ATP2B2: variants seen among roughly 807,000 people sequenced by gnomAD.
ATP2B2 encodes the protein ATPase plasma membrane Ca2+ transporting 2.
A neutral mutation model predicts 120.0 loss-of-function variants in ATP2B2; 15 were observed. The ratio of observed to expected loss-of-function variants is 0.12; its 90% CI spans 0.08 to 0.19. The LOEUF (loss-of-function observed/expected upper bound fraction) is 0.19, where lower values mean the gene tolerates loss of function less well. ATP2B2 is among the 10% of genes least tolerant of loss of function. The pLI is 1.00. For synonymous variants in ATP2B2, 694 were observed against 700.3 expected (o/e 0.99, Z 0.14); for missense variants, 1,045 against 1,719.8 (o/e 0.61, Z 6.94).
chr3:10,446,201 G>A (rs189087830), intron 2 of ATP2B2, among the ~76,000 whole-genome samples: 2 of 152,294 alleles, frequency 1.3e-5, no homozygotes, highest in East Asian at 3.9e-4. Flanking sequence ...TTTCTCATGT[G>A]TGGACACTGG....
intron 1 of ATP2B2, among the ~76,000 whole-genome samples, chr3:10,707,530 G>A (rs2071914743): frequency 6.6e-6 from 1 of 152,216 alleles, no homozygotes; most frequent in African/African-American, 2.4e-5. Flanking sequence ...AGGTGGGGAA[G>A]TCGGAGCCAT....
intron 22 of ATP2B2, chr3:10,330,435 G>A (rs531345730): frequency 5.2e-5 from 8 of 153,020 alleles, no homozygotes; most frequent in African/African-American, 1.7e-4. Flanking sequence ...ACTCCTGGGA[G>A]GGGCAGCAGT....
intron 2 of ATP2B2, among the ~76,000 whole-genome samples, chr3:10,585,663 C>T (rs1435355247): frequency 1.3e-5 from 2 of 151,852 alleles, no homozygotes; most frequent in African/African-American, 4.8e-5. Context: ...CTGCTTGGGG[C>T]CTCTGCACTC....
intron 2 of ATP2B2, among the ~76,000 whole-genome samples, chr3:10,423,457 G>A (rs757048445): frequency 6.6e-6 from 1 of 152,190 alleles, no homozygotes; most frequent in Non-Finnish European, 1.5e-5. Context: ...ACAACGGCTC[G>A]GCTTGCTTGA....
chr3:10,438,217 C>T (rs765374209), intron 2 of ATP2B2, among the ~76,000 whole-genome samples: 11 of 152,210 alleles, frequency 7.2e-5, no homozygotes, highest in Non-Finnish European at 1.5e-4. Flanking sequence ...CCTGTTGTCT[C>T]ATGGGTCCAT....
chr3:10,683,744 A>ATGTGTGTG lies in ATP2B2; in HGVS notation c.-460+24170_-460+24171insCACACACA, dbSNP rs1559520007. Among the ~76,000 whole-genome samples, 7 of 41,420 alleles carry ATGTGTGTG rather than the reference A, an allele frequency of 1.7e-4. 1 individual carries two copies. The highest frequency in any genetic ancestry group is 5.8e-4 in the African/African-American group (6 of 10,426). The allele number at this position is 41,420 out of a possible 152,430, so 27.2% of individuals were successfully genotyped here. Reference sequence around the variant, plus strand: ...TGTGTGTGTGTATATATATGTGTATATATATGTGTGTGTGTGTATATATAT... The same window carrying ATGTGTGTG: ...TGTGTGTGTGTATATATATGTGTATATGTGTGTGTATATGTGTGTGTGTGTATATATAT... On this transcript the variant is annotated intron_variant, in intron 1 of 21. Transcript: ENST00000646379.
chr3:10,395,659 C>T (rs2062012611), intron 5 of ATP2B2, among the ~76,000 whole-genome samples: 1 of 152,208 alleles, frequency 6.6e-6, no homozygotes, highest in South Asian at 2.1e-4. Context: ...AAAAAATAGG[C>T]CTAGGTCAGA....
At chr3:10,416,758 CTTTT>C (rs2125045257) in intron 2 of ATP2B2, among the ~76,000 whole-genome samples, 1 of 150,140 alleles carries the variant, frequency 6.7e-6, no homozygotes, top group South Asian at 2.1e-4. Context: ...CTTTCTTTTT[CTTTT>C]TCTTTTTTTT....
At chr3:10,485,919 C>A (rs181187892) in intron 1 of ATP2B2, among the ~76,000 whole-genome samples, 180 of 152,276 alleles carry the variant, frequency 1.2e-3, no homozygotes, top group African/African-American at 4.0e-3. Flanking sequence ...ACCCACCCCA[C>A]AATGGCCCTG....
rs1485344544 is a variant in ATP2B2 at position 10,628,601 on chromosome 3, C to T, written c.-459-8640G>A. 2.0e-5 allele frequency among the ~76,000 whole-genome samples: 3 copies of T among 152,312 alleles called. No individual in the cohort carries two copies. In the East Asian group the frequency reaches 5.8e-4, roughly 29 times the overall value. On this transcript the variant is annotated intron_variant, in intron 1 of 21. Coordinates refer to the ATP2B2 transcript ENST00000646379. ...GTGAAAGTGATGGCATTCACAATTC[C>T]GACCCATGGACTTCACTGTTTACAA... is the stretch of plus-strand genomic sequence containing the variant.
chr3:10,626,322 G>C (rs1356544343), intron 1 of ATP2B2: 2 of 152,276 alleles, frequency 1.3e-5, no homozygotes, highest in Non-Finnish European at 2.9e-5. Flanking sequence ...GTGAGGCCAG[G>C]ATGTGAATGT....
intron 2 of ATP2B2, among the ~76,000 whole-genome samples, chr3:10,596,954 A>T (rs1017430312): frequency 6.6e-6 from 1 of 152,212 alleles, no homozygotes; most frequent in Non-Finnish European, 1.5e-5. Context: ...ACCACAGGCG[A>T]GTACGCGTGC....
chr3:10,386,576 C>T lies in ATP2B2; in HGVS notation c.908-64G>A, dbSNP rs41293349. 11,920 of 1,547,040 alleles carry T rather than the reference C, an allele frequency of 7.7e-3. 79 individuals are homozygous for T. The highest frequency in any genetic ancestry group is 8.2e-3 in the Non-Finnish European group (9,197 of 1,119,086). ...GCACACAGCCTCATCTGCCCATGCG[C>T]ACGCGCACACACACAAACACACATG... On this transcript the variant is annotated intron_variant, in intron 6 of 22. Coordinates refer to ENST00000360273, the MANE Select transcript of ATP2B2 (RefSeq NM_001001331.4).
In ATP2B2 at chr3:10,340,843, G is replaced by C. The variant is rs890830137; in HGVS notation, c.2918-139C>G. On this transcript the variant is annotated intron_variant, in intron 19 of 22. Transcript: ENST00000360273. The surrounding 1 kb of genome is among the most constrained non-coding windows in gnomAD (Gnocchi z 5.0). ...TCAAGGCATGCTTGGACAGTGGGGG[G>C]CCAGGGCTGTGCTGTCAGCTGGTCA... 47 of 841,684 alleles carry C rather than the reference G, an allele frequency of 5.6e-5. 1 individual carries two copies. In the Admixed American group the frequency reaches 7.6e-4, roughly 14 times the overall value. 52.1% of individuals were successfully genotyped at this position (841,684 alleles called of 1,614,324 possible).
intron 1 of ATP2B2, among the ~76,000 whole-genome samples, chr3:10,634,069 C>T (rs1298515021): frequency 6.6e-6 from 1 of 152,192 alleles, no homozygotes; most frequent in Non-Finnish European, 1.5e-5. Flanking sequence ...ACTTTGGACG[C>T]TTCCCTGTGA....
chr3:10,584,982 G>A (rs2068473068), intron 2 of ATP2B2, among the ~76,000 whole-genome samples: 1 of 152,156 alleles, frequency 6.6e-6, no homozygotes, highest in Admixed American at 6.5e-5. Flanking sequence ...TGCTGGTGCT[G>A]TCTCCAAATA....
At chr3:10,643,083 A>T (rs568817620) in intron 1 of ATP2B2, among the ~76,000 whole-genome samples, 2 of 152,148 alleles carry the variant, frequency 1.3e-5, no homozygotes, top group Non-Finnish European at 2.9e-5. Context: ...CAACAACAAC[A>T]ACAACAGCAA....
intron 1 of ATP2B2, among the ~76,000 whole-genome samples, chr3:10,641,326 T>C (rs1468697130): frequency 6.6e-6 from 1 of 152,084 alleles, no homozygotes. Flanking sequence ...AGGAGACAAG[T>C]TGATGACAAG....
chr3:10,706,194 A>G (rs555486830), intron 1 of ATP2B2, among the ~76,000 whole-genome samples: 1 of 151,996 alleles, frequency 6.6e-6, no homozygotes, highest in African/African-American at 2.4e-5. Context: ...GAGTGAGTGA[A>G]TGAATGAATG....
Sources: gnomAD v4.1 joint callset for allele counts (sites outside exome capture counted in the v4.1 genomes callset) on GRCh38, gnomAD v4.1.1 for gene constraint, Gnocchi (gnomAD v3.1) non-coding constraint, MANE v1.5 for transcripts, NCBI Gene and HGNC (gene_info 2026-07-23, HGNC 2026-07-21) for gene names.